Variants in ACACA observed in about 807,000 individuals in gnomAD.
The protein encoded by ACACA is acetyl-CoA carboxylase 1.
ACACA carries 103 observed loss-of-function variants against 296.1 expected under a neutral mutation model. The ratio of observed to expected loss-of-function variants is 0.35; its 90% CI spans 0.30 to 0.41. The LOEUF (loss-of-function observed/expected upper bound fraction) is 0.41. Among genes scored for constraint, ACACA ranks in the 10% least tolerant of loss-of-function variants. The pLI, the probability that ACACA is intolerant of heterozygous loss-of-function variation, is 1.00. For missense variants in ACACA, 1,554 were observed against 2,989.7 expected (o/e 0.52, Z 11.20); for synonymous variants, 953 against 1,038.6 (o/e 0.92, Z 1.58).
intron 1 of ACACA, chr17:37,376,290 G>A (rs930191650): frequency 1.0e-5 from 7 of 670,592 alleles, no homozygotes; most frequent in East Asian, 2.7e-5. Flanking sequence ...GTATCCACTC[G>A]CCTCTAAGAA....
rs67821579 is a variant in ACACA at position 37,185,402 on chromosome 17, CTTTTTTTTTTTTTT to C, written c.4776+2861_4776+2874del. 1.0e-4 allele frequency among the ~76,000 whole-genome samples: 5 copies of C among 48,438 alleles called. No homozygotes were observed. In the South Asian group the frequency reaches 3.2e-3, roughly 31 times the overall value. 31.8% of individuals were successfully genotyped at this position (48,438 alleles called of 152,430 possible). On this transcript the variant is annotated intron_variant, in intron 39 of 55. Coordinates refer to ENST00000616317, the MANE Select transcript of ACACA (RefSeq NM_198834.3). ...TGCATGACACCATGCCTGGCTATTTCTTTTTTTTTTTTTTTTTTTTTTTTTTTTGGTAGAGACAG... is the reference window on the plus strand; with the variant it reads ...TGCATGACACCATGCCTGGCTATTTCTTTTTTTTTTTTTTGGTAGAGACAG...
At chr17:37,284,612 T>C (rs1019616440) in intron 4 of ACACA, among the ~76,000 whole-genome samples, 2 of 152,192 alleles carry the variant, frequency 1.3e-5, no homozygotes, top group African/African-American at 4.8e-5. Context: ...CTATTTTAAC[T>C]CCTTAATTAG....
At chr17:37,196,769 G>C (rs774053395) in intron 35 of ACACA, among the ~76,000 whole-genome samples, 1 of 152,138 alleles carries the variant, frequency 6.6e-6, no homozygotes, top group African/African-American at 2.4e-5. Context: ...TTGCAGTTTA[G>C]ATAGCTGCAG....
rs1263383201 is a variant in ACACA, at chr17:37,406,661, G to A, written c.-362C>T. 2.2e-6 allele frequency: 1 copy of A among 452,936 alleles called. No individual in the cohort carries two copies. The highest frequency in any genetic ancestry group is 2.0e-5 in the African/African-American group (1 of 50,438). 28.1% of individuals were successfully genotyped at this position (452,936 alleles called of 1,614,324 possible). On this transcript the variant is annotated 5_prime_UTR_variant, in exon 1 of 56. Transcript: ENST00000616317. ...CAGGCAACGGGCCACGCGCCACACG[G>A]GCAAAGTGATTACTGGTCGGATCAA...
At chr17:37,104,034 A>G (rs2073524580) in intron 52 of ACACA, among the ~76,000 whole-genome samples, 1 of 152,178 alleles carries the variant, frequency 6.6e-6, no homozygotes, top group South Asian at 2.1e-4. Flanking sequence ...GGAGTGTCCA[A>G]TCTTTTGGCT....
chr17:37,205,656 A>G, intron 33 of ACACA, 109 bp downstream of exon 33: 1 of 872,170 alleles, frequency 1.1e-6, no homozygotes, highest in South Asian at 1.3e-5. Context: ...TAGTTCTGAG[A>G]GTTATGATAA....
intron 50 of ACACA, among the ~76,000 whole-genome samples, chr17:37,119,670 A>C (rs2074430239): frequency 6.6e-6 from 1 of 151,196 alleles, no homozygotes; most frequent in Admixed American, 6.6e-5. Context: ...TTTGCCAAGG[A>C]GGCCTGGCCA....
chr17:37,339,348 A>C (rs2048282023), intron 2 of ACACA, among the ~76,000 whole-genome samples: 1 of 152,234 alleles, frequency 6.6e-6, no homozygotes, highest in African/African-American at 2.4e-5. Context: ...TCCTGGGCTA[A>C]TAAGTGAGAG....
Position 37,207,667 on chromosome 17 carries a change from C to T in ACACA, c.3841G>A (p.Asp1281Asn). 1.2e-6 allele frequency: 2 copies of T among 1,613,968 alleles called. No individual in the cohort carries two copies. Among genetic ancestry groups the T allele is most frequent in the South Asian group, 2.2e-5 (2 of 91,074 alleles). The change falls in exon 31 of 56, where the codon GAT becomes AAT. Residue 1281 changes from aspartate (D) to asparagine (N), a missense_variant. By Grantham distance (23) the Asp-to-Asn change is conservative. Coordinates refer to ENST00000616317, the MANE Select transcript of ACACA (RefSeq NM_198834.3). The part of the protein sequence containing the change: ...GGMVSFRTFE[D>N]FVRIFDEVMG... ...TCCACAATGTCTTACCTGACAAAATCTTCAAAAGTCCGAAAAGAGACCATT... is the reference window on the plus strand; with the variant it reads ...TCCACAATGTCTTACCTGACAAAATTTTCAAAAGTCCGAAAAGAGACCATT...
intron 39 of ACACA, among the ~76,000 whole-genome samples, chr17:37,185,654 C>T (rs539584973): frequency 2.7e-4 from 41 of 151,932 alleles, no homozygotes; most frequent in African/African-American, 9.4e-4. Flanking sequence ...CTACAACCTC[C>T]GCCTCCCGGG....
intron 45 of ACACA, chr17:37,143,804 T>C (rs1172536060): frequency 7.5e-6 from 9 of 1,204,854 alleles, no homozygotes; most frequent in Non-Finnish European, 1.1e-5. Flanking sequence ...GGCTTTCCTT[T>C]AGCTCAATAT....
chr17:37,346,956 A>G lies in ACACA; in HGVS notation c.39-7106T>C, dbSNP rs541349313. Among the ~76,000 whole-genome samples the G allele has an allele frequency of 2.0e-5, 3 of 152,154 alleles. No individual in the cohort carries two copies. In the East Asian group the frequency reaches 5.8e-4, roughly 29 times the overall value. ...TGAGTTAATGCTGAAATGAGTTAAGACTTTGAGGGACTGTTGGGAAGGCAT... is the reference window on the plus strand; with the variant it reads ...TGAGTTAATGCTGAAATGAGTTAAGGCTTTGAGGGACTGTTGGGAAGGCAT... On this transcript the variant is annotated intron_variant, in intron 1 of 55. Coordinates refer to ENST00000616317, the MANE Select transcript of ACACA (RefSeq NM_198834.3).
chr17:37,187,381 G>A (rs555921674), intron 39 of ACACA, among the ~76,000 whole-genome samples: 5 of 152,294 alleles, frequency 3.3e-5, no homozygotes, highest in Non-Finnish European at 5.9e-5. Flanking sequence ...CCCAAAGCAC[G>A]GAATAGACTG....
chr17:37,284,675 A>G (rs541668207), intron 4 of ACACA, among the ~76,000 whole-genome samples, 163 bp downstream of exon 4: 1 of 152,346 alleles, frequency 6.6e-6, no homozygotes, highest in East Asian at 1.9e-4. Flanking sequence ...CAGTGAAATT[A>G]TATTAATAGG....
At chr17:37,212,374 CTA>C (rs1246002967) in intron 29 of ACACA, among the ~76,000 whole-genome samples, 4 of 152,162 alleles carry the variant, frequency 2.6e-5, no homozygotes, top group Admixed American at 2.6e-4. Context: ...TCTCAAGCTC[CTA>C]TAGAGAGCCC....
At position 37,088,931 on chromosome 17, in the gene ACACA, G is replaced by T; in HGVS notation, c.7028+7C>A. On this transcript the variant is annotated splice_region_variant and intron_variant, in intron 55 of 55. Transcript: ENST00000616317. ...TTCTCTAGTGGAGTTCCCCACGTTG[G>T]TCTCACCTGCGGATTTGCTTGAGGA... 1 of 1,614,158 alleles carries T rather than the reference G, an allele frequency of 6.2e-7. No individual in the cohort carries two copies. The highest frequency in any genetic ancestry group is 8.5e-7 in the Non-Finnish European group (1 of 1,180,022).
At chr17:37,265,142 T>A (rs532654524) in intron 10 of ACACA, among the ~76,000 whole-genome samples, 1 of 152,102 alleles carries the variant, frequency 6.6e-6, no homozygotes, top group Non-Finnish European at 1.5e-5. Flanking sequence ...AATTTATACA[T>A]CACTTTGGCC....
chr17:37,377,343 T>C (rs1189391973), intron 1 of ACACA, among the ~76,000 whole-genome samples: 1 of 152,164 alleles, frequency 6.6e-6, no homozygotes, highest in Non-Finnish European at 1.5e-5. Flanking sequence ...CAACTACTAC[T>C]TTGTATGTAT....
chr17:37,155,071 A>G (rs2076185740), intron 43 of ACACA, among the ~76,000 whole-genome samples: 1 of 152,208 alleles, frequency 6.6e-6, no homozygotes, highest in Non-Finnish European at 1.5e-5. Context: ...TTTCTCTTCT[A>G]GAAATTAACC....
Sources: allele counts gnomAD v4.1 joint callset (sites outside exome capture counted in the v4.1 genomes callset), GRCh38; gene constraint gnomAD v4.1.1; transcripts MANE v1.5; gene names NCBI Gene and HGNC (gene_info 2026-07-23, HGNC 2026-07-21).